The following SRPK2 variants were observed in gnomAD, a reference collection of about 807,000 sequenced individuals.
The protein encoded by SRPK2 is SRSF protein kinase 2, also known as SFRS protein kinase 2.
In SRPK2, 21 loss-of-function variants were observed where a neutral mutation model predicts 90.8. The ratio of observed to expected loss-of-function variants is 0.23; its 90% CI spans 0.16 to 0.33. The LOEUF is 0.33. Among genes scored for constraint, SRPK2 ranks in the 10% least tolerant of loss-of-function variants. The pLI, the probability that SRPK2 is intolerant of heterozygous loss-of-function variation, is 1.00. For missense variants in SRPK2, 620 were observed against 869.0 expected (o/e 0.71, Z 3.60); for synonymous variants, 288 against 311.1 (o/e 0.93, Z 0.78).
chr7:105,262,968 T>G (rs760240540), intron 2 of SRPK2, among the ~76,000 whole-genome samples: 5 of 152,194 alleles, frequency 3.3e-5, no homozygotes, highest in African/African-American at 4.8e-5. Flanking sequence ...ACTCAGCAAC[T>G]GCACTCCTAG....
At chr7:105,387,810 A>AT (rs1003658863) in intron 2 of SRPK2, among the ~76,000 whole-genome samples, 14 of 152,314 alleles carry the variant, frequency 9.2e-5, no homozygotes, top group Admixed American at 7.2e-4. Context: ...GGAAAAGGAG[A>AT]AGACGCGGCG....
intron 11 of SRPK2, among the ~76,000 whole-genome samples, chr7:105,135,151 A>T (rs1488300872): frequency 6.6e-6 from 1 of 152,246 alleles, no homozygotes; most frequent in African/African-American, 2.4e-5. Flanking sequence ...AGAATCAGCA[A>T]GAAGGAAAAT....
At chr7:105,228,559 G>A (rs1006361410) in intron 2 of SRPK2, among the ~76,000 whole-genome samples, 3 of 152,162 alleles carry the variant, frequency 2.0e-5, no homozygotes, top group Non-Finnish European at 4.4e-5. Context: ...AGTGGCTCAC[G>A]CCTGCAAGGG....
rs569376582 is a variant in SRPK2, at chr7:105,347,351, T to A, written c.71+41297A>T. 5.9e-5 allele frequency among the ~76,000 whole-genome samples: 9 copies of A among 151,926 alleles called. No homozygotes were observed. In the South Asian group the frequency reaches 1.7e-3, roughly 28 times the overall value. On this transcript the variant is annotated intron_variant, in intron 2 of 15. Coordinates refer to ENST00000393651, the MANE Select transcript of SRPK2 (RefSeq NM_182692.3). ...TGCTGGGATTACAGGCCACCATGCCTGGCTAATTTTTTCTTTAATTTTTGT... is the reference window on the plus strand; with the variant it reads ...TGCTGGGATTACAGGCCACCATGCCAGGCTAATTTTTTCTTTAATTTTTGT...
chr7:105,287,823 T>C (rs1160768153), intron 2 of SRPK2, among the ~76,000 whole-genome samples: 2 of 152,178 alleles, frequency 1.3e-5, no homozygotes, highest in African/African-American at 2.4e-5. Context: ...CAGGAAGATC[T>C]ACCTTTATTT....
At chr7:105,255,941 G>A (rs80150851) in intron 2 of SRPK2, among the ~76,000 whole-genome samples, 3,107 of 57,596 alleles carry the variant, frequency 0.054, 76 homozygotes, top group Non-Finnish European at 0.1. Flanking sequence ...AAAAAAAAAA[G>A]AGAGAGAGCG....
At position 105,309,864 on chromosome 7, in the gene SRPK2, C is replaced by G. The variant is rs564863210; in HGVS notation, c.71+78784G>C. On this transcript the variant is annotated intron_variant, in intron 2 of 15. Coordinates refer to ENST00000393651, the MANE Select transcript of SRPK2 (RefSeq NM_182692.3). Reference sequence around the variant, plus strand: ...CAACCCTGGGCCACACACTCTGTTACACAAGCATAAACAAGAAGTCTCAGT... The same window carrying G: ...CAACCCTGGGCCACACACTCTGTTAGACAAGCATAAACAAGAAGTCTCAGT... Among the ~76,000 whole-genome samples, 24 of 152,298 alleles carry G rather than the reference C, an allele frequency of 1.6e-4. 1 individual carries two copies. The South Asian group carries it at 2.5e-3, about 16-fold the overall frequency.
chr7:105,276,614 G>A lies in SRPK2; in HGVS notation c.72-72829C>T, dbSNP rs188223463. 2.6e-5 allele frequency among the ~76,000 whole-genome samples: 4 copies of A among 151,902 alleles called. No individual in the cohort carries two copies. The East Asian group carries it at 7.8e-4, about 30-fold the overall frequency. The stretch of plus-strand genomic sequence containing the variant: ...ATTAGGTAAGCATGGTGACATGCAC[G>A]TGTGGTTCAGCTACTTAGGAGGCTG... On this transcript the variant is annotated intron_variant, in intron 2 of 15. Transcript: ENST00000393651.
chr7:105,170,918 G>A (rs1241641976), intron 3 of SRPK2, among the ~76,000 whole-genome samples: 29 of 73,354 alleles, frequency 4.0e-4, no homozygotes, highest in African/African-American at 1.6e-3. Flanking sequence ...AAAGAAAGGA[G>A]AAAGAAAAAG....
At chr7:105,128,382 C>T (rs531208310) in intron 13 of SRPK2, among the ~76,000 whole-genome samples, 1 of 152,276 alleles carries the variant, frequency 6.6e-6, no homozygotes, top group South Asian at 2.1e-4. Flanking sequence ...CAGCAGAAAA[C>T]CCAGGAAAGC....
chr7:105,231,872 T>C (rs1432759160), intron 2 of SRPK2, among the ~76,000 whole-genome samples: 2 of 152,216 alleles, frequency 1.3e-5, no homozygotes, highest in Non-Finnish European at 1.5e-5. Context: ...CATTTACTCT[T>C]TTGGTAACAG....
chr7:105,315,948 T>C (rs1296954739), intron 2 of SRPK2, among the ~76,000 whole-genome samples: 2 of 152,144 alleles, frequency 1.3e-5, no homozygotes, highest in African/African-American at 4.8e-5. Context: ...ACTACCTGTT[T>C]AGTATTATGA....
chr7:105,378,161 T>C (rs922227707), intron 2 of SRPK2, among the ~76,000 whole-genome samples: 4 of 152,154 alleles, frequency 2.6e-5, no homozygotes, highest in African/African-American at 9.7e-5. Context: ...CCAACTGCAG[T>C]GTTTCTTCGG....
chr7:105,320,143 C>A (rs1360027792), intron 2 of SRPK2, among the ~76,000 whole-genome samples: 1 of 152,064 alleles, frequency 6.6e-6, no homozygotes, highest in African/African-American at 2.4e-5. Flanking sequence ...ATATTTAAGG[C>A]AAATAATAAA....
chr7:105,321,997 G>C (rs1438059762), intron 2 of SRPK2, among the ~76,000 whole-genome samples: 2 of 152,178 alleles, frequency 1.3e-5, no homozygotes, highest in African/African-American at 4.8e-5. Flanking sequence ...GTACACCCAT[G>C]ATCACAGCAG....
upstream of SRPK2, among the ~76,000 whole-genome samples, chr7:105,390,672 C>T (rs1202922209): frequency 7.1e-6 from 1 of 141,192 alleles, no homozygotes; most frequent in African/African-American, 2.7e-5. Flanking sequence ...AGGCTGGTCT[C>T]GAACTCCTGA....
rs189234812 is a variant in SRPK2, at chr7:105,242,231, G to A, written c.72-38446C>T. Among the ~76,000 whole-genome samples, 201 of 152,216 alleles carry A rather than the reference G, an allele frequency of 1.3e-3. 1 individual carries two copies. Among genetic ancestry groups the A allele is most frequent in the African/African-American group, 4.5e-3 (188 of 41,536 alleles). ...TTGTGAGAAAGCAGCTGAAAATTTG[G>A]CAGGGTGCAGTGGCTCATGCCAGTA... On this transcript the variant is annotated intron_variant, in intron 2 of 15. Transcript: ENST00000393651.
At chr7:105,308,576 T>C (rs1268554033) in intron 2 of SRPK2, among the ~76,000 whole-genome samples, 9 of 152,212 alleles carry the variant, frequency 5.9e-5, no homozygotes, top group African/African-American at 9.7e-5. Flanking sequence ...AAAATTCTTA[T>C]GGTAGTACTA....
chr7:105,371,638 T>C (rs987140234), intron 2 of SRPK2, among the ~76,000 whole-genome samples: 6 of 149,604 alleles, frequency 4.0e-5, no homozygotes, highest in Non-Finnish European at 7.4e-5. Flanking sequence ...TGCATGCCTG[T>C]AGTCCCAGCT....
Sources: allele counts gnomAD v4.1 joint callset (sites outside exome capture counted in the v4.1 genomes callset), GRCh38; gene constraint gnomAD v4.1.1; transcripts MANE v1.5; gene names NCBI Gene and HGNC (gene_info 2026-07-23, HGNC 2026-07-21).